Variants in MAX observed in about 807,000 individuals in gnomAD.
MAX encodes the protein MYC associated transcriptional regulator X, also known as protein max.
Under a neutral mutation model 22.3 loss-of-function variants are expected in MAX, and 3 were observed. The observed-to-expected ratio is 0.13, with a 90% CI of 0.06 to 0.35. The LOEUF (loss-of-function observed/expected upper bound fraction) is 0.35. MAX is among the 10% of genes least tolerant of loss of function. The pLI is 1.00. For missense variants in MAX, 119 were observed against 209.4 expected, an observed-to-expected ratio of 0.57 and a Z score of 2.66; for synonymous variants, 72 against 77.7, an observed-to-expected ratio of 0.93 and a Z score of 0.39.
At position 65,069,059 on chromosome 14, in the gene MAX, G is replaced by T. The variant is rs969632550; in HGVS notation, c.171+24649C>A. Among the ~76,000 whole-genome samples the T allele has an allele frequency of 1.3e-5, 2 of 152,094 alleles. No homozygotes were observed. The highest frequency in any genetic ancestry group is 4.8e-5 in the African/African-American group (2 of 41,436). On this transcript the variant is annotated intron_variant, in intron 3 of 3. Coordinates refer to the MAX transcript ENST00000341653. The surrounding 1 kb of genome is among the most constrained non-coding windows in gnomAD (Gnocchi z 4.6). ...TAGCCAGGTAAGGCAGATGCCGATGGTGATGACGTAAGTGCTAGGTGTCCA... is the reference window on the plus strand; with the variant it reads ...TAGCCAGGTAAGGCAGATGCCGATGTTGATGACGTAAGTGCTAGGTGTCCA...
chr14:65,092,510 T>C (rs1192715450), intron 3 of MAX, among the ~76,000 whole-genome samples: 13 of 152,232 alleles, frequency 8.5e-5, no homozygotes, highest in Non-Finnish European at 1.9e-4. Context: ...CCGTGGTACT[T>C]AGTGTTGTAC....
At position 65,011,307 on chromosome 14, in the gene MAX, T is replaced by G. The variant is rs1045289070; in HGVS notation, c.172-5023A>C. Among the ~76,000 whole-genome samples the G allele has an allele frequency of 5.9e-5, 9 of 151,906 alleles. No homozygotes were observed. The highest frequency in any genetic ancestry group is 2.2e-4 in the African/African-American group (9 of 41,336). On this transcript the variant is annotated intron_variant, in intron 3 of 3. Coordinates refer to the MAX transcript ENST00000341653. This position sits in a 1 kb window ranked among gnomAD's most constrained non-coding sequence, Gnocchi z 4.0. ...AGCTGGGTGTGGTGGCACGTGCCTGTAATCCCAGCTACTCAGGTGGCTGAG... is the reference window on the plus strand; with the variant it reads ...AGCTGGGTGTGGTGGCACGTGCCTGGAATCCCAGCTACTCAGGTGGCTGAG...
chr14:65,045,774 T>C (rs2062463824), intron 3 of MAX, among the ~76,000 whole-genome samples: 1 of 152,152 alleles, frequency 6.6e-6, no homozygotes, highest in Non-Finnish European at 1.5e-5. Context: ...TGACCATTTC[T>C]GACACTGAAT....
Position 65,076,168 on chromosome 14 carries a change from G to A in MAX, c.*308C>T. On this transcript the variant is annotated 3_prime_UTR_variant, in exon 5 of 5. Transcript: ENST00000358664. This position sits in a 1 kb window ranked among gnomAD's most constrained non-coding sequence, Gnocchi z 6.6. ...GGGTGGGCAGGACACTATGTGCTCA[G>A]AGGTCCGGCCGGCCGTCTGTCCTCC... The A allele has an allele frequency of 7.3e-7, 1 of 1,376,936 alleles. No individual in the cohort carries two copies. The highest frequency in any genetic ancestry group is 1.6e-5 in the South Asian group (1 of 62,220). 85.3% of individuals were successfully genotyped at this position (1,376,936 alleles called of 1,614,324 possible).
At chr14:65,050,011 A>T (rs976624536) in intron 3 of MAX, among the ~76,000 whole-genome samples, 3 of 152,176 alleles carry the variant, frequency 2.0e-5, no homozygotes, top group Admixed American at 2.0e-4. Flanking sequence ...AATTTTAAAA[A>T]TTTTAAAAAG....
intron 3 of MAX, among the ~76,000 whole-genome samples, chr14:65,064,862 T>C (rs1158632424): frequency 1.5e-4 from 23 of 152,240 alleles, no homozygotes; most frequent in Admixed American, 1.5e-3. Context: ...TAGAAGCCTG[T>C]AGGGACACTG....
intron 3 of MAX, among the ~76,000 whole-genome samples, chr14:65,068,995 C>CTG (rs1285021399): frequency 1.3e-5 from 2 of 152,114 alleles, no homozygotes; most frequent in Non-Finnish European, 2.9e-5. Flanking sequence ...GGGAGAAGGG[C>CTG]TGCAAGGGTG....
intron 3 of MAX, among the ~76,000 whole-genome samples, chr14:65,068,557 T>G (rs77859873): frequency 0.011 from 1,608 of 152,330 alleles, 11 homozygotes; most frequent in South Asian, 0.017. Flanking sequence ...TTTCTTTCAC[T>G]ATGGACTCGT....
In MAX at chr14:65,080,562, TAA is replaced by T. The variant is rs60898871; in HGVS notation, c.172-2528_172-2527del. 6.8e-3 allele frequency among the ~76,000 whole-genome samples: 1,035 copies of T among 152,324 alleles called. 7 individuals carry two copies. Among genetic ancestry groups the T allele is most frequent in the African/African-American group, 0.024 (986 of 41,570 alleles). ...GAGGAGTGCTCTGCATGCTTGTCATTAATGGGTTCTGTAGCTGCAGACACATT... is the reference window on the plus strand; with the variant it reads ...GAGGAGTGCTCTGCATGCTTGTCATTTGGGTTCTGTAGCTGCAGACACATT... On this transcript the variant is annotated intron_variant, in intron 3 of 4. Transcript: ENST00000358664.
At chr14:65,006,955 T>C (rs1019708578) in intron 3 of MAX, among the ~76,000 whole-genome samples, 7 of 152,110 alleles carry the variant, frequency 4.6e-5, no homozygotes, top group Non-Finnish European at 1.0e-4. Flanking sequence ...AAAAAAAAAG[T>C]GTTCCTCCTG....
At position 65,027,975 on chromosome 14, in the gene MAX, CTTATT is replaced by C. The variant is rs755919563; in HGVS notation, c.172-21696_172-21692del. ...GTCCTCAGGTGTCATGATCACTTGACTTATTTTATGTAAATGTGAAAATATAAGAA... is the reference window on the plus strand; with the variant it reads ...GTCCTCAGGTGTCATGATCACTTGACTTATGTAAATGTGAAAATATAAGAA... On this transcript the variant is annotated intron_variant, in intron 3 of 3. Coordinates refer to the MAX transcript ENST00000341653. The surrounding 1 kb of genome is among the most constrained non-coding windows in gnomAD (Gnocchi z 5.7). Among the ~76,000 whole-genome samples, 1 of 152,184 alleles carries C rather than the reference CTTATT, an allele frequency of 6.6e-6. No homozygotes were observed. The highest frequency in any genetic ancestry group is 6.5e-5 in the Admixed American group (1 of 15,282).
chr14:65,053,278 G>A, intron 3 of MAX: 4 of 1,461,934 alleles, frequency 2.7e-6, no homozygotes, highest in South Asian at 1.5e-5. Flanking sequence ...TGTTCCATCA[G>A]CAGGCCCTGC....
Position 65,077,566 on chromosome 14 carries a change from G to A in MAX, c.295+347C>T. 2.2e-6 allele frequency: 2 copies of A among 923,238 alleles called. No homozygotes were observed. The highest frequency in any genetic ancestry group is 1.3e-5 in the South Asian group (1 of 74,978). 57.2% of individuals were successfully genotyped at this position (923,238 alleles called of 1,614,324 possible). A position where few individuals can be genotyped will look rare whatever the true frequency, so the allele number is the denominator to read the frequency against. ...ACCTGGAGTCTCTGGTACTTACACA[G>A]CACATTCCACTCCAAGGACCTCAAA... On this transcript the variant is annotated intron_variant, in intron 4 of 4. Transcript: ENST00000358664. The surrounding 1 kb of genome is among the most constrained non-coding windows in gnomAD (Gnocchi z 6.3).
chr14:65,077,485 T>C lies in MAX; in HGVS notation c.295+428A>G, dbSNP rs577186359. 8.9e-5 allele frequency: 106 copies of C among 1,185,946 alleles called. 1 individual carries two copies. The South Asian group carries it at 1.1e-3, about 12-fold the overall frequency. 73.5% of individuals were successfully genotyped at this position (1,185,946 alleles called of 1,614,324 possible). On this transcript the variant is annotated intron_variant, in intron 4 of 4. Coordinates refer to ENST00000358664, the MANE Select transcript of MAX (RefSeq NM_002382.5). This position sits in a 1 kb window ranked among gnomAD's most constrained non-coding sequence, Gnocchi z 6.3. The stretch of plus-strand genomic sequence containing the variant: ...TTGAGAACAGCATGGGCCTAGCCCA[T>C]AGGCTGCCCTGATTGGACTACCATT...
chr14:65,018,070 G>A (rs552098614), intron 3 of MAX, among the ~76,000 whole-genome samples: 7 of 152,208 alleles, frequency 4.6e-5, no homozygotes, highest in African/African-American at 1.4e-4. Flanking sequence ...ATGTGGCCAC[G>A]CATGATCACA....
intron 3 of MAX, chr14:65,083,865 C>T: frequency 8.1e-7 from 1 of 1,233,628 alleles, no homozygotes; most frequent in Non-Finnish European, 1.0e-6. Flanking sequence ...CAGGGCTAAA[C>T]TGGTGTACAT....
chr14:65,040,699 G>A, intron 3 of MAX: 1 of 1,383,200 alleles, frequency 7.2e-7, no homozygotes, highest in Middle Eastern at 2.9e-4. Flanking sequence ...CTTAATCTGA[G>A]TGAACTTTTT....
chr14:65,096,351 G>T (rs2139914013), intron 2 of MAX, among the ~76,000 whole-genome samples: 1 of 152,284 alleles, frequency 6.6e-6, no homozygotes. Context: ...TGATTTGAAA[G>T]AACAAGTTAA....
chr14:65,010,807 C>T lies in MAX; in HGVS notation c.172-4523G>A, dbSNP rs118148980. ...TCCTGCTTTCCTCCCATTCCTCTTT[C>T]ATCCCTGTATTGAGGTCAGATTCTC... On this transcript the variant is annotated intron_variant, in intron 3 of 3. Coordinates refer to the MAX transcript ENST00000341653. Among the ~76,000 whole-genome samples, 1,396 of 152,288 alleles carry T rather than the reference C, an allele frequency of 9.2e-3. 23 individuals carry two copies. The highest frequency in any genetic ancestry group is 0.02 in the Middle Eastern group (6 of 294).
Sources: allele counts gnomAD v4.1 joint callset (sites outside exome capture counted in the v4.1 genomes callset), GRCh38; gene constraint gnomAD v4.1.1; non-coding constraint Gnocchi (gnomAD v3.1); transcripts MANE v1.5; gene names NCBI Gene and HGNC (gene_info 2026-07-23, HGNC 2026-07-21).